The following AGBL4 variants were observed in gnomAD, a reference collection of about 807,000 sequenced individuals.
AGBL4 encodes cytosolic carboxypeptidase 6.
AGBL4 carries 58 observed loss-of-function variants against 66.4 expected under a neutral mutation model. The observed-to-expected ratio is 0.87, with a 90% CI of 0.71 to 1.09. The LOEUF (loss-of-function observed/expected upper bound fraction) is 1.09. AGBL4 is among the 50% of genes least tolerant of loss of function. AGBL4 has a pLI of 0.00. For synonymous variants in AGBL4, 234 were observed against 222.9 expected, an observed-to-expected ratio of 1.05 and a Z score of -0.44; for missense variants, 579 against 631.0, an observed-to-expected ratio of 0.92 and a Z score of 0.88.
intron 4 of AGBL4, among the ~76,000 whole-genome samples, chr1:49,222,673 CA>C (rs1649590331): frequency 6.6e-6 from 1 of 152,134 alleles, no homozygotes; most frequent in Non-Finnish European, 1.5e-5. Context: ...GTACATTAGA[CA>C]AAATCATCCA....
chr1:48,692,006 C>T (rs1260859574), intron 6 of AGBL4, among the ~76,000 whole-genome samples: 1 of 152,220 alleles, frequency 6.6e-6, no homozygotes, highest in African/African-American at 2.4e-5. Flanking sequence ...CATTCCAACC[C>T]TTGTCATATC....
chr1:48,776,235 A>G (rs1645072948), intron 6 of AGBL4, among the ~76,000 whole-genome samples: 1 of 152,192 alleles, frequency 6.6e-6, no homozygotes, highest in Admixed American at 6.5e-5. Context: ...AGGAACTGGG[A>G]GAGAGGTAAA....
At chr1:49,950,077 CATATGTGTATATATATA>C (rs1655982995) in intron 1 of AGBL4, among the ~76,000 whole-genome samples, 1 of 137,154 alleles carries the variant, frequency 7.3e-6, no homozygotes, top group African/African-American at 2.7e-5. Context: ...TATATATACA[CATATGTGTATATATATA>C]CACATATATA....
chr1:49,467,606 T>A lies in AGBL4; in HGVS notation c.283-221742A>T, dbSNP rs550000368. On this transcript the variant is annotated intron_variant, in intron 3 of 13. Coordinates refer to ENST00000371839, the MANE Select transcript of AGBL4 (RefSeq NM_032785.4). The stretch of plus-strand genomic sequence containing the variant: ...CTATGGCCTGAGAAGGGAAGGGTCT[T>A]TATTGCACTAGAAAAGTCTGTGTAA... 2.0e-5 allele frequency among the ~76,000 whole-genome samples: 3 copies of A among 151,994 alleles called. No homozygotes were observed. The South Asian group carries it at 6.2e-4, about 32-fold the overall frequency.
intron 9 of AGBL4, among the ~76,000 whole-genome samples, chr1:48,624,629 A>T (rs1645469382): frequency 6.6e-6 from 1 of 152,172 alleles, no homozygotes. Context: ...TCACTGAGCT[A>T]CCAATAAGCA....
intron 3 of AGBL4, among the ~76,000 whole-genome samples, chr1:49,325,148 A>C (rs1053799212): frequency 1.3e-5 from 2 of 152,164 alleles, no homozygotes; most frequent in Non-Finnish European, 1.5e-5. Context: ...TCAGCCTCCC[A>C]AGTAGCTGGG....
intron 2 of AGBL4, among the ~76,000 whole-genome samples, chr1:49,781,750 A>T (rs1644342262): frequency 6.6e-6 from 1 of 152,162 alleles, no homozygotes; most frequent in African/African-American, 2.4e-5. Flanking sequence ...ATAATATAAA[A>T]GTATCAATAA....
intron 3 of AGBL4, among the ~76,000 whole-genome samples, chr1:49,292,262 C>T (rs934668289): frequency 1.3e-5 from 2 of 152,198 alleles, no homozygotes; most frequent in Non-Finnish European, 2.9e-5. Flanking sequence ...GAGGGCAGCT[C>T]ATCACTGGTT....
chr1:49,978,204 C>A (rs1295464814), intron 1 of AGBL4, among the ~76,000 whole-genome samples: 3 of 152,032 alleles, frequency 2.0e-5, no homozygotes, highest in Admixed American at 6.6e-5. Flanking sequence ...AATGCTAGAA[C>A]TTTGGAGGCC....
At chr1:49,216,820 C>T (rs1325646617) in intron 4 of AGBL4, among the ~76,000 whole-genome samples, 3 of 152,088 alleles carry the variant, frequency 2.0e-5, no homozygotes, top group East Asian at 3.9e-4. Context: ...CCATTTGAAT[C>T]CACATCTTTG....
Position 49,126,757 on chromosome 1 carries a change from A to G in AGBL4, c.378-80957T>C, listed in dbSNP as rs116203755. On this transcript the variant is annotated intron_variant, in intron 4 of 13. Coordinates refer to ENST00000371839, the MANE Select transcript of AGBL4 (RefSeq NM_032785.4). ...TGGTGCCTCTTTTGATAGATTGTAA[A>G]TGATTTTCCTAAGATCATTTACTCA... is the stretch of plus-strand genomic sequence containing the variant. Among the ~76,000 whole-genome samples, 879 of 152,212 alleles carry G rather than the reference A, an allele frequency of 5.8e-3. 10 individuals are homozygous for G. Among genetic ancestry groups the G allele is most frequent in the African/African-American group, 0.02 (846 of 41,546 alleles).
chr1:50,000,386 A>C lies in AGBL4; in HGVS notation c.34+23377T>G, dbSNP rs548654700. ...CACAATGTGATACCACCTTACTCCT[A>C]CAAGAATGGCCATAATCTAAAAATC... is the stretch of plus-strand genomic sequence containing the variant. On this transcript the variant is annotated intron_variant, in intron 1 of 13. Transcript: ENST00000371839. Among the ~76,000 whole-genome samples the C allele has an allele frequency of 6.6e-5, 10 of 152,290 alleles. No individual in the cohort carries two copies. In the South Asian group the frequency reaches 8.3e-4, roughly 13 times the overall value.
At chr1:48,838,633 A>T (rs1186107938) in intron 6 of AGBL4, among the ~76,000 whole-genome samples, 1 of 152,178 alleles carries the variant, frequency 6.6e-6, no homozygotes, top group Non-Finnish European at 1.5e-5. Flanking sequence ...CTAGGCAAAG[A>T]TTTCTTGAGT....
chr1:49,574,427 T>A (rs1224787692), intron 3 of AGBL4, among the ~76,000 whole-genome samples: 2 of 152,148 alleles, frequency 1.3e-5, no homozygotes, highest in Non-Finnish European at 2.9e-5. Context: ...CTGATCTCCC[T>A]TGGTTTAACA....
intron 9 of AGBL4, among the ~76,000 whole-genome samples, chr1:48,624,891 T>TGA (rs1645474299): frequency 4.5e-5 from 1 of 22,212 alleles, no homozygotes. Flanking sequence ...TAATTCCAGG[T>TGA]GTGTGTGTGT....
intron 3 of AGBL4, among the ~76,000 whole-genome samples, chr1:49,510,751 G>A (rs575149595): frequency 6.6e-6 from 1 of 151,326 alleles, no homozygotes; most frequent in East Asian, 1.9e-4. Context: ...AACTTGAATT[G>A]ATTTTTGTAT....
intron 3 of AGBL4, among the ~76,000 whole-genome samples, chr1:49,592,329 G>T (rs1289800061): frequency 8.5e-5 from 13 of 152,170 alleles, no homozygotes; most frequent in Admixed American, 8.5e-4. Context: ...CCTGCACTTT[G>T]AGAGGCTGAG....
At chr1:48,896,214 T>G (rs1425880142) in intron 5 of AGBL4, among the ~76,000 whole-genome samples, 1 of 152,202 alleles carries the variant, frequency 6.6e-6, no homozygotes, top group African/African-American at 2.4e-5. Flanking sequence ...CTGCAAGTTC[T>G]TTTTAAAACT....
At chr1:49,185,761 G>A (rs146313790) in intron 4 of AGBL4, among the ~76,000 whole-genome samples, 31 of 152,046 alleles carry the variant, frequency 2.0e-4, no homozygotes, top group East Asian at 5.8e-4. Context: ...CTAGTTCCCC[G>A]CCCTCGCATC....
Sources: gnomAD v4.1 joint callset for allele counts (sites outside exome capture counted in the v4.1 genomes callset) on GRCh38, gnomAD v4.1.1 for gene constraint, MANE v1.5 for transcripts, NCBI Gene and HGNC (gene_info 2026-07-23, HGNC 2026-07-21) for gene names.